RYR2: variants seen among roughly 807,000 people sequenced by gnomAD.
The protein encoded by RYR2 is cardiac muscle ryanodine receptor-calcium release channel.
Under a neutral mutation model 601.1 loss-of-function variants are expected in RYR2, and 227 were observed. The observed-to-expected ratio is 0.38, with a 90% CI of 0.34 to 0.42. RYR2 has a LOEUF of 0.42. Among genes scored for constraint, RYR2 ranks in the 10% least tolerant of loss-of-function variants. The pLI is 1.00. For missense variants in RYR2, 4,646 were observed against 6,156.5 expected (o/e 0.75, Z 8.21); for synonymous variants, 2,223 against 2,175.1 (o/e 1.02, Z -0.61).
intron 2 of RYR2, among the ~76,000 whole-genome samples, chr1:237,278,206 G>A (rs915364008): frequency 6.8e-6 from 1 of 148,138 alleles, no homozygotes; most frequent in East Asian, 2.0e-4. Context: ...AGGTATCTAC[G>A]ACTACAGGCA....
At chr1:237,115,325 C>T (rs1669942517) in intron 1 of RYR2, among the ~76,000 whole-genome samples, 13 of 152,118 alleles carry the variant, frequency 8.5e-5, no homozygotes. Context: ...ACAAGAAGCA[C>T]GGTCTTTGAT....
chr1:237,132,824 G>A (rs576569698), intron 1 of RYR2, among the ~76,000 whole-genome samples: 6 of 152,282 alleles, frequency 3.9e-5, no homozygotes, highest in South Asian at 4.1e-4. Flanking sequence ...GGAAAATGTC[G>A]AAGTGTTAAG....
At chr1:237,183,890 A>G (rs1315430499) in intron 1 of RYR2, among the ~76,000 whole-genome samples, 2 of 152,210 alleles carry the variant, frequency 1.3e-5, no homozygotes, top group Non-Finnish European at 2.9e-5. Flanking sequence ...AATCTGTTAG[A>G]GTTGAGCTGA....
chr1:237,272,106 G>A (rs1689749576), intron 2 of RYR2, among the ~76,000 whole-genome samples: 1 of 152,034 alleles, frequency 6.6e-6, no homozygotes, highest in Admixed American at 6.6e-5. Context: ...CTCCAGCCTG[G>A]GTGACAGAGC....
chr1:237,711,130 T>C (rs1688804920), intron 70 of RYR2, among the ~76,000 whole-genome samples: 1 of 152,228 alleles, frequency 6.6e-6, no homozygotes, highest in South Asian at 2.1e-4. Flanking sequence ...TTTATCATAA[T>C]CAGTATGTTT....
intron 17 of RYR2, among the ~76,000 whole-genome samples, chr1:237,481,825 A>C (rs889398607): frequency 6.7e-5 from 10 of 149,798 alleles, no homozygotes; most frequent in Admixed American, 1.3e-4. Context: ...AAAAAAAAAA[A>C]AAAAAAAAAA....
At chr1:237,524,124 A>G (rs1236150527) in intron 24 of RYR2, among the ~76,000 whole-genome samples, 1 of 152,230 alleles carries the variant, frequency 6.6e-6, no homozygotes. Flanking sequence ...TCACAGAAGC[A>G]TTATTCATAA....
At chr1:237,287,917 T>C (rs1691739261) in intron 2 of RYR2, among the ~76,000 whole-genome samples, 1 of 152,188 alleles carries the variant, frequency 6.6e-6, no homozygotes, top group African/African-American at 2.4e-5. Context: ...TTTGGTTTTC[T>C]GGTTCCGTCT....
At chr1:237,566,331 C>T (rs1672081431) in intron 27 of RYR2, among the ~76,000 whole-genome samples, 1 of 152,218 alleles carries the variant, frequency 6.6e-6, no homozygotes, top group Admixed American at 6.5e-5. Context: ...TCCCCAGTCT[C>T]TCCAGCGCAA....
At chr1:237,093,437 G>T (rs564264456) in intron 1 of RYR2, among the ~76,000 whole-genome samples, 1 of 152,318 alleles carries the variant, frequency 6.6e-6, no homozygotes, top group Non-Finnish European at 1.5e-5. Context: ...GGAAAGAGAT[G>T]TCAAATATGG....
At chr1:237,803,357 G>A (rs1015355223) in intron 98 of RYR2, among the ~76,000 whole-genome samples, 2 of 151,460 alleles carry the variant, frequency 1.3e-5, no homozygotes, top group Non-Finnish European at 2.9e-5. Context: ...AGGCTGGAGT[G>A]CAGTGGCACA....
At chr1:237,081,478 A>G (rs1298676939) in intron 1 of RYR2, among the ~76,000 whole-genome samples, 2 of 138,440 alleles carry the variant, frequency 1.4e-5, no homozygotes, top group East Asian at 2.0e-4. Flanking sequence ...GTCTTTCTTT[A>G]TATATGTATA....
At chr1:237,298,144 C>A (rs1692991328) in intron 2 of RYR2, among the ~76,000 whole-genome samples, 1 of 152,046 alleles carries the variant, frequency 6.6e-6, no homozygotes, top group South Asian at 2.1e-4. Flanking sequence ...TTCTCTTAAC[C>A]AACCACGTTA....
chr1:237,803,615 C>A (rs1419351833), intron 98 of RYR2, among the ~76,000 whole-genome samples: 3 of 152,074 alleles, frequency 2.0e-5, no homozygotes, highest in African/African-American at 7.2e-5. Flanking sequence ...TTTCTTAATG[C>A]CTCCTTAGAT....
At chr1:237,156,667 A>T (rs1675369621) in intron 1 of RYR2, among the ~76,000 whole-genome samples, 1 of 152,190 alleles carries the variant, frequency 6.6e-6, no homozygotes, top group South Asian at 2.1e-4. Context: ...GTAAATATGT[A>T]TTGAATGAAA....
intron 6 of RYR2, among the ~76,000 whole-genome samples, chr1:237,371,833 T>G (rs1390170066): frequency 6.6e-6 from 1 of 151,786 alleles, no homozygotes; most frequent in Admixed American, 6.6e-5. Context: ...CACTCATAGG[T>G]GGGAATTGAA....
At chr1:237,572,968 A>C (rs533861191) in intron 29 of RYR2, among the ~76,000 whole-genome samples, 11 of 152,284 alleles carry the variant, frequency 7.2e-5, no homozygotes, top group Admixed American at 5.9e-4. Context: ...TCCAGTTTGA[A>C]AAACTATTTA....
chr1:237,280,144 A>T (rs1026969558), intron 2 of RYR2, among the ~76,000 whole-genome samples: 24 of 152,214 alleles, frequency 1.6e-4, no homozygotes, highest in Admixed American at 1.4e-3. Flanking sequence ...ATGCATTAAG[A>T]TATTAATGAT....
rs147865203 is a variant in RYR2, at chr1:237,315,016, G to A, written c.169-15862G>A. On this transcript the variant is annotated intron_variant, in intron 2 of 104. Transcript: ENST00000366574. ...ACAGAAACCATTAGGTTCTATTATG[G>A]TATTTGCCAAAAAAATAAAATTTAG... Among the ~76,000 whole-genome samples the A allele has an allele frequency of 1.3e-3, 194 of 152,154 alleles. No homozygotes were observed. In the East Asian group the frequency reaches 0.033, roughly 26 times the overall value.
Sources: allele counts gnomAD v4.1 joint callset (sites outside exome capture counted in the v4.1 genomes callset), GRCh38; gene constraint gnomAD v4.1.1; transcripts MANE v1.5; gene names NCBI Gene and HGNC (gene_info 2026-07-23, HGNC 2026-07-21).